NELL1: variants seen among roughly 807,000 people sequenced by gnomAD.
NELL1 encodes protein kinase C-binding protein NELL1.
NELL1 carries 76 observed loss-of-function variants against 107.4 expected under a neutral mutation model. The observed-to-expected ratio is 0.71, with a 90% CI of 0.59 to 0.86. The LOEUF (loss-of-function observed/expected upper bound fraction) is 0.86, where lower values mean the gene tolerates loss of function less well. Ranked by LOEUF, NELL1 falls within the 40% of genes least tolerant of loss-of-function variation. The probability of loss-of-function intolerance (pLI) is 0.00; values close to 1 mark genes in which losing one functional copy is unlikely to be tolerated. For synonymous variants in NELL1, 353 were observed against 341.2 expected (o/e 1.03, Z -0.38); for missense variants, 1,024 against 1,005.5 (o/e 1.02, Z -0.25).
chr11:21,445,149 G>A (rs1269177571), intron 15 of NELL1, among the ~76,000 whole-genome samples: 1 of 151,964 alleles, frequency 6.6e-6, no homozygotes, highest in Admixed American at 6.6e-5. Context: ...AACTGTTCTA[G>A]TTATTATTTT....
intron 13 of NELL1, among the ~76,000 whole-genome samples, chr11:21,145,602 T>C (rs1020624647): frequency 6.6e-6 from 1 of 152,226 alleles, no homozygotes; most frequent in African/African-American, 2.4e-5. Context: ...GATTATCCAA[T>C]TGTATGATTT....
At chr11:21,300,317 G>C (rs1849466122) in intron 14 of NELL1, among the ~76,000 whole-genome samples, 1 of 151,928 alleles carries the variant, frequency 6.6e-6, no homozygotes. Context: ...TGGCTTGAGA[G>C]AATATTACAG....
intron 14 of NELL1, among the ~76,000 whole-genome samples, chr11:21,342,164 C>T (rs1850581172): frequency 6.6e-6 from 1 of 152,128 alleles, no homozygotes; most frequent in South Asian, 2.1e-4. Flanking sequence ...ACCCTCATTC[C>T]TGGTTGGATC....
chr11:21,068,589 GAA>G (rs1853937007), intron 12 of NELL1, among the ~76,000 whole-genome samples: 2 of 152,120 alleles, frequency 1.3e-5, no homozygotes, highest in South Asian at 2.1e-4. Context: ...CATACACACT[GAA>G]AACACACATA....
chr11:21,541,539 G>C (rs1463930421), intron 16 of NELL1, among the ~76,000 whole-genome samples: 1 of 152,046 alleles, frequency 6.6e-6, no homozygotes, highest in Admixed American at 6.6e-5. Flanking sequence ...CGATAAAAAG[G>C]GGTAGAACCT....
At chr11:20,933,638 C>T (rs7113943) in intron 9 of NELL1, among the ~76,000 whole-genome samples, 94,193 of 151,944 alleles carry the variant, frequency 0.62, 31,014 homozygotes, top group Admixed American at 0.76. Flanking sequence ...CATTCTAGGC[C>T]GCTGAGTACC....
At chr11:20,726,816 A>T (rs373218035) in intron 2 of NELL1, among the ~76,000 whole-genome samples, 6 of 145,204 alleles carry the variant, frequency 4.1e-5, no homozygotes, top group African/African-American at 1.6e-4. Context: ...CTCATTGTTC[A>T]GTTCCCACCT....
At chr11:20,970,059 CCA>C (rs1851465939) in intron 12 of NELL1, among the ~76,000 whole-genome samples, 2 of 137,266 alleles carry the variant, frequency 1.5e-5, no homozygotes, top group Non-Finnish European at 3.3e-5. Flanking sequence ...CTCTGTCCAT[CCA>C]TCCATCCATC....
chr11:21,058,810 T>C lies in NELL1; in HGVS notation c.1301-54779T>C, dbSNP rs116652891. 8.8e-3 allele frequency among the ~76,000 whole-genome samples: 1,333 copies of C among 152,300 alleles called. 19 individuals are homozygous for C. Among genetic ancestry groups the C allele is most frequent in the African/African-American group, 0.028 (1,154 of 41,570 alleles). On this transcript the variant is annotated intron_variant, in intron 12 of 19. Transcript: ENST00000357134. ...CTAATTTTGATGAGGGCACTTGGTC[T>C]TGCATTGAGTGTCAGAGGGACTAGC...
intron 4 of NELL1, among the ~76,000 whole-genome samples, chr11:20,849,704 C>CTA (rs1167817821): frequency 6.6e-6 from 1 of 152,090 alleles, no homozygotes; most frequent in Non-Finnish European, 1.5e-5. Flanking sequence ...TTCGTAGACT[C>CTA]TAAACACAAA....
intron 4 of NELL1, among the ~76,000 whole-genome samples, chr11:20,854,221 T>G (rs1848839625): frequency 6.6e-6 from 1 of 152,198 alleles, no homozygotes; most frequent in Admixed American, 6.5e-5. Flanking sequence ...AAACTTGAAC[T>G]GAAAGAAATT....
At chr11:20,725,659 G>C (rs12295773) in intron 2 of NELL1, among the ~76,000 whole-genome samples, 25,678 of 152,200 alleles carry the variant, frequency 0.17, 2,424 homozygotes, top group East Asian at 0.33. Flanking sequence ...GAGTTATACA[G>C]CTTGTTAATT....
intron 10 of NELL1, among the ~76,000 whole-genome samples, chr11:20,944,067 C>T (rs1323927171): frequency 2.6e-5 from 4 of 152,158 alleles, no homozygotes; most frequent in Non-Finnish European, 4.4e-5. Flanking sequence ...CACTAATGCC[C>T]TATGGAATCT....
intron 15 of NELL1, among the ~76,000 whole-genome samples, chr11:21,476,699 T>C (rs950454570): frequency 2.0e-5 from 3 of 151,790 alleles, no homozygotes; most frequent in Non-Finnish European, 4.4e-5. Flanking sequence ...AGAGGAAGAG[T>C]GTAGGAAAGA....
intron 14 of NELL1, among the ~76,000 whole-genome samples, chr11:21,269,129 GA>G (rs978324226): frequency 6.6e-6 from 1 of 151,372 alleles, no homozygotes; most frequent in African/African-American, 2.4e-5. Context: ...AGAAAACTGA[GA>G]AAAAAACAAA....
At chr11:21,561,846 G>C (rs1459958743) in intron 17 of NELL1, among the ~76,000 whole-genome samples, 1 of 151,950 alleles carries the variant, frequency 6.6e-6, no homozygotes, top group African/African-American at 2.4e-5. Flanking sequence ...TTAACCACAT[G>C]GTGCTGACTC....
At chr11:20,841,849 G>A (rs74402240) in intron 3 of NELL1, among the ~76,000 whole-genome samples, 1,613 of 152,228 alleles carry the variant, frequency 0.011, 22 homozygotes, top group African/African-American at 0.037. Context: ...ACACAGAGGG[G>A]CAGGGACATG....
intron 11 of NELL1, among the ~76,000 whole-genome samples, chr11:20,956,116 G>A (rs992926202): frequency 2.6e-5 from 4 of 152,100 alleles, no homozygotes; most frequent in African/African-American, 9.7e-5. Flanking sequence ...CTACTCTGGA[G>A]GCTGAGGCAG....
chr11:21,526,534 T>C (rs754583139), intron 15 of NELL1, among the ~76,000 whole-genome samples: 3 of 151,706 alleles, frequency 2.0e-5, no homozygotes, highest in African/African-American at 7.3e-5. Context: ...ACATTTTCCT[T>C]TTTTACTGCC....
Sources: allele counts gnomAD v4.1 joint callset (sites outside exome capture counted in the v4.1 genomes callset), GRCh38; gene constraint gnomAD v4.1.1; transcripts MANE v1.5; gene names NCBI Gene and HGNC (gene_info 2026-07-23, HGNC 2026-07-21).